COQ3: variants seen among roughly 807,000 people sequenced by gnomAD.
The protein encoded by COQ3 is ubiquinone biosynthesis O-methyltransferase, mitochondrial.
In COQ3, 29 loss-of-function variants were observed where a neutral mutation model predicts 33.1. The ratio of observed to expected loss-of-function variants is 0.88; its 90% CI spans 0.65 to 1.19. The LOEUF (loss-of-function observed/expected upper bound fraction) is 1.19. Ranked by LOEUF, COQ3 falls within the 50% of genes most tolerant of loss-of-function variation. The pLI, the probability that COQ3 is intolerant of heterozygous loss-of-function variation, is 0.00. For missense variants in COQ3, 437 were observed against 430.7 expected (o/e 1.01, Z -0.13); for synonymous variants, 173 against 157.8 (o/e 1.10, Z -0.72).
rs767071045 is a variant in COQ3, at chr6:99,377,452, C to T, written c.420G>A (p.Gln140=). 1 of 1,612,926 alleles carries T rather than the reference C, an allele frequency of 6.2e-7. No individual in the cohort carries two copies. The highest frequency in any genetic ancestry group is 1.1e-5 in the South Asian group (1 of 90,914). The part of the protein sequence containing the change: ...DNLLKTIPNH[Q]PGKPLLGMKI... ...TCATCCCCAACAAAGGTTTTCCTGG[C>T]TGGTGATTAGGAATTGTTTTCAGAA... Residue 140 remains glutamine, a synonymous_variant, in exon 4 of 7, where the codon CAG becomes CAA. Transcript: ENST00000254759.
intron 2 of COQ3, among the ~76,000 whole-genome samples, chr6:99,380,709 C>A (rs1774450043): frequency 6.6e-6 from 1 of 151,966 alleles, no homozygotes; most frequent in Non-Finnish European, 1.5e-5. Flanking sequence ...CAAGAGGTCA[C>A]CAGCCTGACC....
At chr6:99,388,496 T>C (rs1022759037) in intron 1 of COQ3, among the ~76,000 whole-genome samples, 3 of 97,448 alleles carry the variant, frequency 3.1e-5, no homozygotes, top group African/African-American at 6.9e-5. Flanking sequence ...CCTATCAAAA[T>C]CTCAATAGCC....
intron 5 of COQ3, among the ~76,000 whole-genome samples, chr6:99,373,917 G>A (rs1357547501): frequency 6.6e-6 from 1 of 152,214 alleles, no homozygotes; most frequent in Middle Eastern, 3.4e-3. Flanking sequence ...GGCTGAGATG[G>A]GAGCATGGCT....
At chr6:99,372,755 C>T (rs1279013797) in intron 5 of COQ3, among the ~76,000 whole-genome samples, 2 of 152,110 alleles carry the variant, frequency 1.3e-5, no homozygotes, top group African/African-American at 2.4e-5. Flanking sequence ...TATGGCGTTA[C>T]CTATATTGTC....
chr6:99,379,780 A>G (rs1191013637), intron 3 of COQ3, among the ~76,000 whole-genome samples: 1 of 152,026 alleles, frequency 6.6e-6, no homozygotes, highest in Non-Finnish European at 1.5e-5. Flanking sequence ...GCTTGAAACC[A>G]GGAGGTGGAG....
intron 6 of COQ3, among the ~76,000 whole-genome samples, chr6:99,370,316 C>T (rs6570006): frequency 2.7e-3 from 376 of 141,724 alleles, no homozygotes; most frequent in Admixed American, 6.1e-3. Flanking sequence ...TTCCTACTTT[C>T]TTTTCTTTCT....
chr6:99,389,986 C>A (rs777442277), intron 1 of COQ3, among the ~76,000 whole-genome samples: 1 of 152,000 alleles, frequency 6.6e-6, no homozygotes, highest in African/African-American at 2.4e-5. Context: ...TGGTGGGGTG[C>A]GCCTGTAGTC....
chr6:99,381,195 C>T (rs1195574378), intron 2 of COQ3, among the ~76,000 whole-genome samples: 11 of 152,162 alleles, frequency 7.2e-5, no homozygotes, highest in Admixed American at 5.9e-4. Context: ...AACTAGTGTC[C>T]TAGCCTTCTA....
At chr6:99,378,207 T>C (rs1774363891) in intron 3 of COQ3, among the ~76,000 whole-genome samples, 1 of 143,160 alleles carries the variant, frequency 7.0e-6, no homozygotes. Context: ...TTAATTATAC[T>C]TATATTAAAA....
chr6:99,392,740 C>T (rs1406670326), intron 1 of COQ3, among the ~76,000 whole-genome samples: 1 of 152,102 alleles, frequency 6.6e-6, no homozygotes, highest in Non-Finnish European at 1.5e-5. Flanking sequence ...ATTCTCCTGC[C>T]TCAGCCTCCC....
At position 99,394,059 on chromosome 6, in the gene COQ3, C is replaced by A. The variant is rs765438013; in HGVS notation, c.106+15G>T. Reference sequence around the variant, plus strand: ...CAATTGACTGCATGCGAAGGACCTCCGCACACACACTCACCCGCCGAGGAA... The same window carrying A: ...CAATTGACTGCATGCGAAGGACCTCAGCACACACACTCACCCGCCGAGGAA... On this transcript the variant is annotated intron_variant, in intron 1 of 6. Coordinates refer to ENST00000254759, the MANE Select transcript of COQ3 (RefSeq NM_017421.4). 1 of 1,603,502 alleles carries A rather than the reference C, an allele frequency of 6.2e-7. No individual in the cohort carries two copies.
intron 1 of COQ3, among the ~76,000 whole-genome samples, chr6:99,387,842 C>G (rs1268656009): frequency 6.6e-6 from 1 of 152,058 alleles, no homozygotes; most frequent in Non-Finnish European, 1.5e-5. Flanking sequence ...CTTTAAAAAG[C>G]TCCTGGAAAT....
chr6:99,394,123 C>T lies in COQ3; in HGVS notation c.57G>A (p.Gly19=), dbSNP rs748513762. The T allele has an allele frequency of 9.9e-6, 16 of 1,612,314 alleles. No homozygotes were observed. The highest frequency in any genetic ancestry group is 1.3e-5 in the African/African-American group (1 of 74,718). The change falls in exon 1 of 7, where the codon GGG becomes GGA. Residue 19 remains glycine, a synonymous_variant. Transcript: ENST00000254759. ...CAGCTTTTGTATTACAGCCTCCAGG[C>T]CCCAGCACTCTTAAAAACCAACCCC... is the stretch of plus-strand genomic sequence containing the variant. ...SSGGWFLRVL[G]PGGCNTKAAR... is the part of the protein sequence containing the mutation.
At chr6:99,380,856 G>A (rs1235917642) in intron 2 of COQ3, among the ~76,000 whole-genome samples, 2 of 152,054 alleles carry the variant, frequency 1.3e-5, no homozygotes, top group Non-Finnish European at 2.9e-5. Context: ...GCAGTGAGTA[G>A]AGATTGAGCC....
chr6:99,370,359 T>TTTG (rs1774101543), intron 6 of COQ3, among the ~76,000 whole-genome samples: 1 of 144,890 alleles, frequency 6.9e-6, no homozygotes, highest in Admixed American at 7.0e-5. Context: ...TTTTTTTTTT[T>TTTG]TTTTTGTGAG....
At chr6:99,381,194 C>G (rs1774463715) in intron 2 of COQ3, among the ~76,000 whole-genome samples, 1 of 152,172 alleles carries the variant, frequency 6.6e-6, no homozygotes, top group Admixed American at 6.5e-5. Flanking sequence ...GAACTAGTGT[C>G]CTAGCCTTCT....
At chr6:99,385,955 T>A (rs1582729427) in intron 1 of COQ3, among the ~76,000 whole-genome samples, 6 of 115,694 alleles carry the variant, frequency 5.2e-5, no homozygotes, top group South Asian at 2.6e-4. Flanking sequence ...CCCACCTGGG[T>A]AATGGAGGAA....
At chr6:99,390,624 C>A (rs1272994286) in intron 1 of COQ3, among the ~76,000 whole-genome samples, 1 of 152,158 alleles carries the variant, frequency 6.6e-6, no homozygotes, top group Non-Finnish European at 1.5e-5. Context: ...GAGCCACGCG[C>A]CCAGTCTTTG....
chr6:99,383,421 A>AT (rs1221386410), intron 2 of COQ3, among the ~76,000 whole-genome samples: 1 of 152,206 alleles, frequency 6.6e-6, no homozygotes, highest in East Asian at 1.9e-4. Flanking sequence ...TCTCTAAGTA[A>AT]TAGCCTTATA....
Sources: allele counts gnomAD v4.1 joint callset (sites outside exome capture counted in the v4.1 genomes callset), GRCh38; gene constraint gnomAD v4.1.1; transcripts MANE v1.5; gene names NCBI Gene and HGNC (gene_info 2026-07-23, HGNC 2026-07-21).